Variants in LDLRAD3 observed in about 807,000 individuals in gnomAD.
The protein encoded by LDLRAD3 is low-density lipoprotein receptor class A domain-containing protein 3.
In LDLRAD3, 20 loss-of-function variants were observed where a neutral mutation model predicts 29.4. The observed-to-expected ratio is 0.68, with a 90% CI of 0.48 to 0.99. The LOEUF (loss-of-function observed/expected upper bound fraction) is 0.99. Ranked by LOEUF, LDLRAD3 falls within the 50% of genes least tolerant of loss-of-function variation. The pLI is 0.00. For missense variants in LDLRAD3, 420 were observed against 454.3 expected, an observed-to-expected ratio of 0.92 and a Z score of 0.69; for synonymous variants, 157 against 192.7, an observed-to-expected ratio of 0.81 and a Z score of 1.53.
intron 2 of LDLRAD3, among the ~76,000 whole-genome samples, chr11:36,074,970 T>C (rs12363123): frequency 3.8e-3 from 579 of 152,330 alleles, no homozygotes; most frequent in Middle Eastern, 6.8e-3. Flanking sequence ...ACATTGGCCC[T>C]TGGCTGGCAG....
At chr11:35,976,369 G>T (rs560324258) in intron 1 of LDLRAD3, among the ~76,000 whole-genome samples, 5 of 152,254 alleles carry the variant, frequency 3.3e-5, no homozygotes, top group East Asian at 1.9e-4. Context: ...GGTGGGAAAG[G>T]AGGGTAGGAG....
intron 1 of LDLRAD3, among the ~76,000 whole-genome samples, chr11:36,008,499 G>GT (rs969698270): frequency 4.6e-5 from 7 of 152,186 alleles, no homozygotes; most frequent in African/African-American, 1.7e-4. Flanking sequence ...GTCAAGAAAT[G>GT]TAACTTTAAA....
chr11:36,065,158 A>G (rs1565196651), intron 2 of LDLRAD3, among the ~76,000 whole-genome samples: 1 of 152,156 alleles, frequency 6.6e-6, no homozygotes. Context: ...TTCTTCCTTT[A>G]ATTCTGTCAG....
chr11:36,007,305 T>C (rs6484809), intron 1 of LDLRAD3, among the ~76,000 whole-genome samples: 68,099 of 152,028 alleles, frequency 0.45, 15,520 homozygotes, highest in South Asian at 0.6. Context: ...TAATTTGCAA[T>C]GTTTGTTGGC....
chr11:36,122,001 C>T (rs965100420), intron 4 of LDLRAD3, among the ~76,000 whole-genome samples: 1 of 152,140 alleles, frequency 6.6e-6, no homozygotes, highest in Non-Finnish European at 1.5e-5. Flanking sequence ...CCCCATTTTA[C>T]AGGAGGGGAA....
intron 3 of LDLRAD3, among the ~76,000 whole-genome samples, chr11:36,085,348 G>GTTTTTTT (rs397815799): frequency 7.1e-6 from 1 of 140,976 alleles, no homozygotes; most frequent in Non-Finnish European, 1.5e-5. Flanking sequence ...GCTTTGAACT[G>GTTTTTTT]TTTTTTTTTT....
chr11:36,147,098 CTTTTTTTTTTTTT>C (rs55747441), intron 4 of LDLRAD3, among the ~76,000 whole-genome samples: 2 of 48,218 alleles, frequency 4.1e-5, no homozygotes, highest in East Asian at 8.6e-4. Context: ...CCCATATTTA[CTTTTTTTTTTTTT>C]TTTTTTTTTT....
At chr11:36,032,736 C>G (rs1028471174) in intron 1 of LDLRAD3, among the ~76,000 whole-genome samples, 3 of 152,086 alleles carry the variant, frequency 2.0e-5, no homozygotes, top group Admixed American at 2.0e-4. Context: ...CTGTTGAAAA[C>G]CCATGGTTGA....
chr11:36,026,616 C>T (rs1852170318), intron 1 of LDLRAD3, among the ~76,000 whole-genome samples: 1 of 152,196 alleles, frequency 6.6e-6, no homozygotes, highest in African/African-American at 2.4e-5. Flanking sequence ...CAACAGATTT[C>T]AGTAAAGAAG....
At chr11:36,201,808 C>T (rs1479389314) in intron 4 of LDLRAD3, among the ~76,000 whole-genome samples, 1 of 152,232 alleles carries the variant, frequency 6.6e-6, no homozygotes. Context: ...GAGGCAGTTG[C>T]TGGAAAGGAG....
chr11:36,208,766 A>G (rs1855244343), intron 4 of LDLRAD3, among the ~76,000 whole-genome samples: 1 of 98,630 alleles, frequency 1.0e-5, no homozygotes, highest in African/African-American at 5.8e-5. Flanking sequence ...TCAAGGAAAT[A>G]GGGGGGAAAA....
At chr11:36,096,786 G>C (rs1853367953) in intron 3 of LDLRAD3, among the ~76,000 whole-genome samples, 1 of 152,198 alleles carries the variant, frequency 6.6e-6, no homozygotes, top group Admixed American at 6.5e-5. Flanking sequence ...AATAATTTTT[G>C]ACAGCAGATC....
intron 1 of LDLRAD3, among the ~76,000 whole-genome samples, chr11:35,966,655 C>T (rs907564067): frequency 8.3e-5 from 9 of 108,456 alleles, no homozygotes; most frequent in African/African-American, 2.9e-4. Context: ...CTCCATCCAG[C>T]GTTTTTGTTC....
chr11:36,095,198 G>A (rs1853341707), intron 3 of LDLRAD3, among the ~76,000 whole-genome samples: 2 of 152,158 alleles, frequency 1.3e-5, no homozygotes, highest in African/African-American at 2.4e-5. Flanking sequence ...GAAGAAAAAA[G>A]AGTCTCTCTA....
intron 4 of LDLRAD3, among the ~76,000 whole-genome samples, chr11:36,219,716 T>G (rs1855402433): frequency 6.6e-6 from 1 of 152,170 alleles, no homozygotes; most frequent in Non-Finnish European, 1.5e-5. Context: ...TAAACAATGA[T>G]TTAGGGGAAG....
At chr11:36,126,941 G>A (rs1303840311) in intron 4 of LDLRAD3, among the ~76,000 whole-genome samples, 2 of 152,150 alleles carry the variant, frequency 1.3e-5, no homozygotes, top group Non-Finnish European at 2.9e-5. Flanking sequence ...AAACAAAATT[G>A]TGCAGAATCA....
At chr11:36,053,323 A>G (rs949402758) in intron 2 of LDLRAD3, among the ~76,000 whole-genome samples, 2 of 152,032 alleles carry the variant, frequency 1.3e-5, no homozygotes, top group Non-Finnish European at 2.9e-5. Context: ...AACAGAGCTC[A>G]CTTCCAACTA....
intron 2 of LDLRAD3, among the ~76,000 whole-genome samples, chr11:36,057,486 C>T (rs746274137): frequency 6.6e-6 from 1 of 152,170 alleles, no homozygotes; most frequent in African/African-American, 2.4e-5. Flanking sequence ...ACTCCTTGGC[C>T]CTCTGCACCT....
At chr11:36,060,528 A>T (rs1029710880) in intron 2 of LDLRAD3, among the ~76,000 whole-genome samples, 1 of 146,250 alleles carries the variant, frequency 6.8e-6, no homozygotes, top group Non-Finnish European at 1.5e-5. Context: ...TGAATGATGA[A>T]TTCACACTCA....
Sources: gnomAD v4.1 joint callset for allele counts (sites outside exome capture counted in the v4.1 genomes callset) on GRCh38, gnomAD v4.1.1 for gene constraint, MANE v1.5 for transcripts, NCBI Gene and HGNC (gene_info 2026-07-23, HGNC 2026-07-21) for gene names.